The following XKR4 variants were observed in gnomAD, a reference collection of about 807,000 sequenced individuals.
The protein encoded by XKR4 is XK-related protein 4.
Under a neutral mutation model 53.9 loss-of-function variants are expected in XKR4, and 12 were observed. That is an observed-to-expected ratio of 0.22 (90% CI 0.14 to 0.36). XKR4 has a LOEUF of 0.36. XKR4 is among the 10% of genes least tolerant of loss of function. XKR4 has a pLI of 1.00. For missense variants in XKR4, 799 were observed against 859.5 expected (o/e 0.93, Z 0.88); for synonymous variants, 354 against 362.4 (o/e 0.98, Z 0.26).
chr8:55,271,952 G>T (rs1041006599), intron 1 of XKR4, among the ~76,000 whole-genome samples: 203 of 152,182 alleles, frequency 1.3e-3, no homozygotes, highest in African/African-American at 4.8e-3. Flanking sequence ...GCTACAGATT[G>T]TGGGTCAAAA....
At chr8:55,391,767 A>G (rs1018521640) in intron 2 of XKR4, among the ~76,000 whole-genome samples, 3 of 152,210 alleles carry the variant, frequency 2.0e-5, no homozygotes, top group Non-Finnish European at 4.4e-5. Flanking sequence ...AAGCATATGA[A>G]TTTATCTATA....
At chr8:55,130,216 AAT>A (rs1319299773) in intron 1 of XKR4, among the ~76,000 whole-genome samples, 1 of 148,874 alleles carries the variant, frequency 6.7e-6, no homozygotes, top group Admixed American at 6.9e-5. Flanking sequence ...ATAAATAGGT[AAT>A]ATGTCAGGTG....
chr8:55,277,010 G>T (rs1172290635), intron 1 of XKR4, among the ~76,000 whole-genome samples: 2 of 152,198 alleles, frequency 1.3e-5, no homozygotes, highest in African/African-American at 4.8e-5. Context: ...GGTTTCATCA[G>T]CTGTGTTTGT....
intron 1 of XKR4, among the ~76,000 whole-genome samples, chr8:55,337,808 A>G (rs1254742758): frequency 6.6e-6 from 1 of 152,226 alleles, no homozygotes; most frequent in Non-Finnish European, 1.5e-5. Flanking sequence ...CTCAGCTCTG[A>G]ATCCTGTGGT....
intron 2 of XKR4, among the ~76,000 whole-genome samples, chr8:55,484,858 G>C (rs541666598): frequency 1.3e-5 from 2 of 152,324 alleles, no homozygotes; most frequent in African/African-American, 4.8e-5. Context: ...CTTGGACTTG[G>C]ACTGGAACCT....
Position 55,303,508 on chromosome 8 carries a change from T to G in XKR4, c.807-54170T>G, listed in dbSNP as rs573969797. The stretch of plus-strand genomic sequence containing the variant: ...CTTTGGTATCAGGATGATGCTGGCC[T>G]CATAAAATGAGTTAAGGAGGATTCC... On this transcript the variant is annotated intron_variant, in intron 1 of 2. Transcript: ENST00000327381. Among the ~76,000 whole-genome samples, 127 of 152,340 alleles carry G rather than the reference T, an allele frequency of 8.3e-4. 1 individual carries two copies. Among genetic ancestry groups the G allele is most frequent in the Admixed American group, 2.5e-3 (38 of 15,302 alleles).
intron 1 of XKR4, among the ~76,000 whole-genome samples, chr8:55,168,863 T>G (rs934074938): frequency 2.6e-5 from 4 of 152,204 alleles, no homozygotes; most frequent in African/African-American, 9.7e-5. Flanking sequence ...ATGCTGAATA[T>G]TCTGAATCTA....
At chr8:55,112,272 A>C (rs1387789462) in intron 1 of XKR4, among the ~76,000 whole-genome samples, 1 of 152,156 alleles carries the variant, frequency 6.6e-6, no homozygotes, top group Non-Finnish European at 1.5e-5. Context: ...GAATCCTTTT[A>C]TATAAACAGA....
chr8:55,423,384 C>T (rs903971684), intron 2 of XKR4, among the ~76,000 whole-genome samples: 7 of 152,022 alleles, frequency 4.6e-5, no homozygotes, highest in African/African-American at 9.7e-5. Flanking sequence ...CGTGAGCCAC[C>T]GCACCCGCCA....
intron 1 of XKR4, among the ~76,000 whole-genome samples, chr8:55,172,962 C>G (rs1343892984): frequency 6.6e-6 from 1 of 152,218 alleles, no homozygotes; most frequent in Non-Finnish European, 1.5e-5. Context: ...GACTGTAGAA[C>G]ATGCTTGCTC....
intron 2 of XKR4, among the ~76,000 whole-genome samples, chr8:55,521,246 A>G (rs1216905276): frequency 6.6e-6 from 1 of 152,262 alleles, no homozygotes; most frequent in Non-Finnish European, 1.5e-5. Context: ...AGCGGCTTCT[A>G]TGCCCTACAA....
chr8:55,412,482 C>T (rs1449314410), intron 2 of XKR4, among the ~76,000 whole-genome samples: 1 of 152,144 alleles, frequency 6.6e-6, no homozygotes, highest in Non-Finnish European at 1.5e-5. Flanking sequence ...GGTCCCAACT[C>T]CCAGTCCAGT....
At chr8:55,343,527 A>G (rs111247035) in intron 1 of XKR4, among the ~76,000 whole-genome samples, 26 of 152,114 alleles carry the variant, frequency 1.7e-4, no homozygotes, top group African/African-American at 6.3e-4. Flanking sequence ...GCCCACATGA[A>G]ACAGTGATAA....
chr8:55,253,085 G>T (rs751371350), intron 1 of XKR4, among the ~76,000 whole-genome samples: 2 of 152,148 alleles, frequency 1.3e-5, no homozygotes, highest in Non-Finnish European at 2.9e-5. Context: ...AAATGCATTT[G>T]CTTGATTTTA....
At chr8:55,154,562 T>C (rs1490503465) in intron 1 of XKR4, among the ~76,000 whole-genome samples, 1 of 152,230 alleles carries the variant, frequency 6.6e-6, no homozygotes. Flanking sequence ...CAATGTTGGA[T>C]AGGAGACAGT....
intron 2 of XKR4, among the ~76,000 whole-genome samples, chr8:55,375,567 C>G (rs1236053583): frequency 2.0e-5 from 3 of 152,156 alleles, no homozygotes; most frequent in African/African-American, 7.2e-5. Flanking sequence ...CAGGCTGCCC[C>G]CAAGGCCTGA....
At chr8:55,289,631 A>AAG (rs1455489795) in intron 1 of XKR4, among the ~76,000 whole-genome samples, 1 of 139,420 alleles carries the variant, frequency 7.2e-6, no homozygotes, top group African/African-American at 2.8e-5. Flanking sequence ...GAAAGAAAGA[A>AAG]AGAAAGAAAG....
chr8:55,328,173 C>T (rs544968236), intron 1 of XKR4, among the ~76,000 whole-genome samples: 18 of 152,158 alleles, frequency 1.2e-4, no homozygotes, highest in Non-Finnish European at 1.9e-4. Context: ...CCTGGTCCTG[C>T]CCTTGACACG....
At chr8:55,206,734 T>C (rs1817656275) in intron 1 of XKR4, among the ~76,000 whole-genome samples, 1 of 152,254 alleles carries the variant, frequency 6.6e-6, no homozygotes, top group South Asian at 2.1e-4. Context: ...TGCAGAAACA[T>C]TAATTTTTGG....
Sources: allele counts gnomAD v4.1 joint callset (sites outside exome capture counted in the v4.1 genomes callset), GRCh38; gene constraint gnomAD v4.1.1; transcripts MANE v1.5; gene names NCBI Gene and HGNC (gene_info 2026-07-23, HGNC 2026-07-21).